SYNE2: variants seen among roughly 807,000 people sequenced by gnomAD.
The protein encoded by SYNE2 is nesprin-2.
SYNE2 carries 431 observed loss-of-function variants against 856.3 expected under a neutral mutation model. The observed-to-expected ratio is 0.50, with a 90% CI of 0.47 to 0.55. SYNE2 has a LOEUF of 0.55. Among genes scored for constraint, SYNE2 ranks in the 20% least tolerant of loss-of-function variants. The probability of loss-of-function intolerance (pLI) is 0.00; values close to 1 mark genes in which losing one functional copy is unlikely to be tolerated. For synonymous variants in SYNE2, 2,923 were observed against 2,872.3 expected, an observed-to-expected ratio of 1.02 and a Z score of -0.56; for missense variants, 8,129 against 8,023.2, an observed-to-expected ratio of 1.01 and a Z score of -0.50.
At chr14:63,889,709 C>G (rs1434113848) in intron 1 of SYNE2, among the ~76,000 whole-genome samples, 1 of 152,066 alleles carries the variant, frequency 6.6e-6, no homozygotes, top group Non-Finnish European at 1.5e-5. Flanking sequence ...AACCCCTGGG[C>G]TCAAGTGATC....
chr14:64,051,374 C>A (rs2097225143), intron 47 of SYNE2, among the ~76,000 whole-genome samples, 183 bp from the exon 48 acceptor site: 1 of 151,546 alleles, frequency 6.6e-6, no homozygotes, highest in Non-Finnish European at 1.5e-5. Flanking sequence ...GTTTTCTACA[C>A]CAATTGAAAG....
intron 45 of SYNE2, among the ~76,000 whole-genome samples, chr14:64,035,332 T>G (rs979299537): frequency 6.6e-6 from 1 of 151,988 alleles, no homozygotes; most frequent in Non-Finnish European, 1.5e-5. Context: ...ATTTCTGGTG[T>G]TGTTTATCCT....
intron 94 of SYNE2, among the ~76,000 whole-genome samples, chr14:64,174,535 G>A (rs1015941176): frequency 1.3e-5 from 2 of 152,100 alleles, no homozygotes; most frequent in South Asian, 2.1e-4. Context: ...CCTTTCTCGC[G>A]TTCTTTCCTT....
chr14:64,028,644 A>G (rs2097002270), intron 43 of SYNE2, among the ~76,000 whole-genome samples: 1 of 152,126 alleles, frequency 6.6e-6, no homozygotes, highest in Non-Finnish European at 1.5e-5. Flanking sequence ...TTTGATGATG[A>G]TATTATATTC....
At chr14:63,980,387 C>T (rs2096576602) in intron 14 of SYNE2, among the ~76,000 whole-genome samples, 1 of 152,072 alleles carries the variant, frequency 6.6e-6, no homozygotes, top group Admixed American at 6.6e-5. Flanking sequence ...TGCCTTTTTT[C>T]CACAAGAGGA....
Position 64,010,035 on chromosome 14 carries a change from T to A in SYNE2, c.4647T>A (p.Thr1549=). The A allele has an allele frequency of 6.2e-7, 1 of 1,614,064 alleles. No individual in the cohort carries two copies. The highest frequency in any genetic ancestry group is 8.5e-7 in the Non-Finnish European group (1 of 1,179,962). Residue 1549 remains threonine, a synonymous_variant, in exon 32 of 116, where the codon ACT becomes ACA. Coordinates refer to ENST00000555002, the MANE Select transcript of SYNE2 (RefSeq NM_182914.3). ...QYQNFKSILT[T]LIQKEESVIS... ...AGAATTTTAAAAGCATCTTGACAAC[T>A]TTGATTCAAAAAGAAGAGAGTGTCA...
intron 51 of SYNE2, among the ~76,000 whole-genome samples, chr14:64,069,205 T>C (rs951300656): frequency 3.3e-5 from 5 of 151,822 alleles, no homozygotes; most frequent in African/African-American, 1.2e-4. Context: ...TGATGCACAT[T>C]GGAAACCCTA....
chr14:63,876,758 T>C (rs2094732130), intron 1 of SYNE2, among the ~76,000 whole-genome samples: 1 of 152,224 alleles, frequency 6.6e-6, no homozygotes, highest in African/African-American at 2.4e-5. Flanking sequence ...AGTGCTGGGA[T>C]TACAGGCATG....
chr14:63,891,817 A>G (rs1189104910), intron 1 of SYNE2, among the ~76,000 whole-genome samples: 1 of 152,160 alleles, frequency 6.6e-6, no homozygotes, highest in East Asian at 1.9e-4. Flanking sequence ...GCCAAGCAGC[A>G]GCTGGTGCCT....
chr14:64,215,468 T>A (rs1418835599), intron 107 of SYNE2, 114 bp downstream of exon 107: 3 of 1,028,678 alleles, frequency 2.9e-6, no homozygotes, highest in Non-Finnish European at 4.6e-6. Flanking sequence ...ACCATGCGCC[T>A]TGGTCCTTGT....
chr14:64,179,527 G>T (rs2098448852), intron 96 of SYNE2, among the ~76,000 whole-genome samples: 1 of 152,184 alleles, frequency 6.6e-6, no homozygotes, highest in Non-Finnish European at 1.5e-5. Context: ...TGTATAGTAT[G>T]CATTATAAGA....
intron 58 of SYNE2, among the ~76,000 whole-genome samples, chr14:64,088,261 G>A (rs545696928): frequency 6.6e-6 from 1 of 152,156 alleles, no homozygotes; most frequent in Non-Finnish European, 1.5e-5. Context: ...AAAATGTCAT[G>A]TATGTTCTCA....
intron 31 of SYNE2, 101 bp from the exon 32 acceptor site, chr14:64,009,865 C>A: frequency 9.4e-7 from 1 of 1,061,802 alleles, no homozygotes; most frequent in Non-Finnish European, 1.4e-6. Context: ...GAGGAAAAGT[C>A]CTTTACACCT....
At chr14:64,190,686 G>A (rs935500207) in intron 99 of SYNE2, 2 of 693,336 alleles carry the variant, frequency 2.9e-6, no homozygotes, top group South Asian at 3.0e-5. Context: ...CAAGGCAGGG[G>A]CAGGAGTCTA....
intron 58 of SYNE2, among the ~76,000 whole-genome samples, chr14:64,089,027 C>T (rs12432035): frequency 0.032 from 4,836 of 152,174 alleles, 110 homozygotes; most frequent in Admixed American, 0.065. Context: ...GAAGATATCA[C>T]TATAAACAGC....
intron 109 of SYNE2, 76 bp downstream of exon 109, chr14:64,218,588 A>G: frequency 7.2e-7 from 1 of 1,389,132 alleles, no homozygotes; most frequent in South Asian, 1.2e-5. Context: ...AACATTCATT[A>G]GATATTAACC....
intron 41 of SYNE2, among the ~76,000 whole-genome samples, chr14:64,026,192 G>A (rs7148856): frequency 0.035 from 5,322 of 152,216 alleles, 320 homozygotes; most frequent in African/African-American, 0.12. Context: ...GTTGACATGA[G>A]GGACACTGTA....
chr14:63,821,748 A>G (rs910471631), intron 1 of SYNE2, among the ~76,000 whole-genome samples: 2 of 151,754 alleles, frequency 1.3e-5, no homozygotes, highest in African/African-American at 4.8e-5. Context: ...GCAAGACTCC[A>G]TCTTGAAAAA....
chr14:63,969,832 T>C (rs1219831826), intron 11 of SYNE2, among the ~76,000 whole-genome samples: 2 of 152,196 alleles, frequency 1.3e-5, no homozygotes, highest in Non-Finnish European at 2.9e-5. Flanking sequence ...AATTCTATTA[T>C]ATTTTGCTGA....
Sources: gnomAD v4.1 joint callset for allele counts (sites outside exome capture counted in the v4.1 genomes callset) on GRCh38, gnomAD v4.1.1 for gene constraint, MANE v1.5 for transcripts, NCBI Gene and HGNC (gene_info 2026-07-23, HGNC 2026-07-21) for gene names.